The following RIMS2 variants were observed in gnomAD, a reference collection of about 807,000 sequenced individuals.
The protein encoded by RIMS2 is regulating synaptic membrane exocytosis protein 2.
In RIMS2, 59 loss-of-function variants were observed where a neutral mutation model predicts 174.4. The observed-to-expected ratio is 0.34, with a 90% CI of 0.27 to 0.42. RIMS2 has a LOEUF of 0.42. Among genes scored for constraint, RIMS2 ranks in the 10% least tolerant of loss-of-function variants. The pLI is 1.00. For missense variants in RIMS2, 1,620 were observed against 1,666.3 expected, an observed-to-expected ratio of 0.97 and a Z score of 0.48; for synonymous variants, 606 against 572.5, an observed-to-expected ratio of 1.06 and a Z score of -0.84.
At chr8:104,230,251 T>C (rs2511581) in intron 19 of RIMS2, among the ~76,000 whole-genome samples, 27,660 of 145,782 alleles carry the variant, frequency 0.19, 2,835 homozygotes, top group Non-Finnish European at 0.24. Flanking sequence ...TGCACTCCAG[T>C]CTGGGCAACG....
chr8:104,091,177 A>G (rs80304431), intron 19 of RIMS2, among the ~76,000 whole-genome samples: 2,666 of 151,960 alleles, frequency 0.018, 135 homozygotes, highest in East Asian at 0.15. Context: ...CCAGAATTCA[A>G]ATGATTCAGT....
At chr8:104,065,491 A>G (rs901151842) in intron 19 of RIMS2, among the ~76,000 whole-genome samples, 4 of 152,268 alleles carry the variant, frequency 2.6e-5, no homozygotes, top group African/African-American at 9.6e-5. Context: ...AGAATCCTCT[A>G]CGCTGGATCA....
At chr8:103,648,186 A>G (rs2096380920) in intron 1 of RIMS2, among the ~76,000 whole-genome samples, 1 of 152,096 alleles carries the variant, frequency 6.6e-6, no homozygotes, top group South Asian at 2.1e-4. Context: ...CACAGGAGTC[A>G]TTCAGGAGCA....
intron 1 of RIMS2, among the ~76,000 whole-genome samples, chr8:103,680,537 A>C (rs1046539648): frequency 6.6e-6 from 1 of 152,022 alleles, no homozygotes; most frequent in African/African-American, 2.4e-5. Flanking sequence ...ATGAAGGGAG[A>C]AATTGAAGTA....
Position 103,690,006 on chromosome 8 carries a change from A to G in RIMS2, c.177-7080A>G, listed in dbSNP as rs1409252652. 2.0e-5 allele frequency among the ~76,000 whole-genome samples: 3 copies of G among 146,904 alleles called. No individual in the cohort carries two copies. The Admixed American group carries it at 2.1e-4, about 10-fold the overall frequency. On this transcript the variant is annotated intron_variant, in intron 1 of 23. Coordinates refer to ENST00000504942, the Ensembl canonical transcript of RIMS2. Reference sequence around the variant, plus strand: ...GATGGAGTCTTACTTTGTTGCCCAGACTGGAGTGCAGTGGCGTAATCTCAG... The same window carrying G: ...GATGGAGTCTTACTTTGTTGCCCAGGCTGGAGTGCAGTGGCGTAATCTCAG...
chr8:103,777,961 G>A (rs114686825), intron 3 of RIMS2, among the ~76,000 whole-genome samples: 4 of 151,964 alleles, frequency 2.6e-5, no homozygotes, highest in African/African-American at 7.2e-5. Context: ...TAACAACTTC[G>A]GAACTCAATC....
intron 1 of RIMS2, among the ~76,000 whole-genome samples, chr8:103,618,612 A>G (rs1401338037): frequency 6.6e-6 from 1 of 152,098 alleles, no homozygotes; most frequent in African/African-American, 2.4e-5. Context: ...TTGTCTATCC[A>G]TCCCATTTCC....
chr8:104,230,586 C>T (rs1469668698), intron 19 of RIMS2, among the ~76,000 whole-genome samples: 1 of 151,946 alleles, frequency 6.6e-6, no homozygotes, highest in Non-Finnish European at 1.5e-5. Flanking sequence ...GCGGAAGTTG[C>T]AGTGAGCCAA....
chr8:104,099,301 C>T (rs1265643247), intron 19 of RIMS2, among the ~76,000 whole-genome samples: 3 of 152,154 alleles, frequency 2.0e-5, no homozygotes, highest in Admixed American at 2.0e-4. Flanking sequence ...AGTGCCAACT[C>T]ATCACAGAGG....
chr8:103,764,247 C>T (rs1203071258), intron 2 of RIMS2, among the ~76,000 whole-genome samples: 2 of 152,214 alleles, frequency 1.3e-5, no homozygotes, highest in Non-Finnish European at 2.9e-5. Context: ...CACAAGCTCT[C>T]GTTTGTTGTT....
chr8:104,093,554 G>A (rs781264421), intron 19 of RIMS2: 29 of 1,597,166 alleles, frequency 1.8e-5, no homozygotes, highest in Admixed American at 6.7e-5. Flanking sequence ...ATATATCTGC[G>A]GTTTCAAGGA....
intron 13 of RIMS2, among the ~76,000 whole-genome samples, chr8:103,941,386 C>A (rs2154538053): frequency 6.6e-6 from 1 of 152,210 alleles, no homozygotes; most frequent in East Asian, 1.9e-4. Context: ...ACTCAGGAGG[C>A]TGAGGTGGGA....
intron 19 of RIMS2, among the ~76,000 whole-genome samples, chr8:104,055,630 A>G (rs1011717845): frequency 6.6e-6 from 1 of 152,192 alleles, no homozygotes; most frequent in Non-Finnish European, 1.5e-5. Context: ...TTTTTCAAAG[A>G]TACAGGAATT....
chr8:103,722,877 C>G (rs965309242), intron 2 of RIMS2, among the ~76,000 whole-genome samples: 6 of 152,162 alleles, frequency 3.9e-5, no homozygotes, highest in African/African-American at 1.4e-4. Flanking sequence ...TTTCTTATCT[C>G]TGGCAGAATG....
chr8:104,090,059 T>C (rs2097612748), intron 19 of RIMS2, among the ~76,000 whole-genome samples: 1 of 140,596 alleles, frequency 7.1e-6, no homozygotes, highest in Non-Finnish European at 1.5e-5. Context: ...CACATGCACA[T>C]ATATATATTA....
chr8:103,529,461 C>G (rs1253350458), intron 1 of RIMS2, among the ~76,000 whole-genome samples: 2 of 152,194 alleles, frequency 1.3e-5, no homozygotes, highest in African/African-American at 2.4e-5. Flanking sequence ...GTGCCATTTG[C>G]TAAAACCACT....
At chr8:103,503,903 C>T (rs1821950779) in intron 1 of RIMS2, among the ~76,000 whole-genome samples, 1 of 152,102 alleles carries the variant, frequency 6.6e-6, no homozygotes, top group East Asian at 1.9e-4. Context: ...TATCTCTCAC[C>T]TTAGGAGCCT....
chr8:104,238,666 C>T (rs2139704295), intron 19 of RIMS2, among the ~76,000 whole-genome samples: 1 of 152,224 alleles, frequency 6.6e-6, no homozygotes, highest in Admixed American at 6.5e-5. Context: ...ACTAGCCACT[C>T]AGGACCTCAA....
At chr8:104,069,833 G>A (rs920158119) in intron 19 of RIMS2, among the ~76,000 whole-genome samples, 12 of 151,982 alleles carry the variant, frequency 7.9e-5, no homozygotes, top group South Asian at 2.1e-4. Flanking sequence ...GATATTATTC[G>A]TGGTCAAAGT....
Sources: allele counts gnomAD v4.1 joint callset (sites outside exome capture counted in the v4.1 genomes callset), GRCh38; gene constraint gnomAD v4.1.1; transcripts MANE v1.5; gene names NCBI Gene and HGNC (gene_info 2026-07-23, HGNC 2026-07-21).